PRRG1: variants seen among roughly 807,000 people sequenced by gnomAD.
PRRG1 encodes the protein transmembrane gamma-carboxyglutamic acid protein 1.
Under a neutral mutation model 11.8 loss-of-function variants are expected in PRRG1, and 5 were observed. The observed-to-expected ratio is 0.42, with a 90% CI of 0.22 to 0.89. The LOEUF (loss-of-function observed/expected upper bound fraction) is 0.89. PRRG1 is among the 40% of genes least tolerant of loss of function. PRRG1 has a pLI of 0.28. For synonymous variants in PRRG1, 66 were observed against 60.4 expected, an observed-to-expected ratio of 1.09 and a Z score of -0.43; for missense variants, 155 against 166.1, an observed-to-expected ratio of 0.93 and a Z score of 0.37.
intron 2 of PRRG1, among the ~76,000 whole-genome samples, chrX:37,412,717 G>T (rs1932381839): frequency 9.0e-6 from 1 of 110,514 alleles, no homozygotes; most frequent in Admixed American, 9.7e-5. Flanking sequence ...AGAACTAACG[G>T]AGAGGTTACT....
intron 1 of PRRG1, among the ~76,000 whole-genome samples, chrX:37,367,623 G>A (rs782010353): frequency 1.8e-4 from 20 of 111,367 alleles, no homozygotes; most frequent in African/African-American, 5.2e-4. Context: ...GACTATGTAG[G>A]TACCTGCTTG....
intron 3 of PRRG1, among the ~76,000 whole-genome samples, chrX:37,427,336 C>T (rs1421223543): frequency 8.9e-6 from 1 of 111,772 alleles, no homozygotes; most frequent in Non-Finnish European, 1.9e-5. Flanking sequence ...GTATACGTTT[C>T]TATGAGTTTG....
intron 1 of PRRG1, among the ~76,000 whole-genome samples, chrX:37,374,903 G>T (rs145155551): frequency 0.02 from 2,179 of 111,277 alleles, 53 homozygotes; most frequent in African/African-American, 0.067. Flanking sequence ...AGCTGGAAAT[G>T]ATGTATTGGG....
chrX:37,400,712 A>T (rs1305801497), intron 1 of PRRG1, among the ~76,000 whole-genome samples: 1 of 111,587 alleles, frequency 9.0e-6, no homozygotes, highest in Non-Finnish European at 1.9e-5. Flanking sequence ...TTTTGAAAGG[A>T]TCAACAAAAT....
At position 37,456,199 on chromosome X, in the gene PRRG1, A is replaced by G. The variant is rs1921353330; in HGVS notation, c.*2578A>G. ...ATTGATAGATATAAACCTCATGAAC[A>G]AAAGTACTTTGGCATCCAGATTCTC... On this transcript the variant is annotated 3_prime_UTR_variant, in exon 4 of 4. Coordinates refer to ENST00000378628, the MANE Select transcript of PRRG1 (RefSeq NM_001142395.2). 1 of 112,176 alleles carries G rather than the reference A, an allele frequency of 8.9e-6. No individual in the cohort carries two copies. The highest frequency in any genetic ancestry group is 1.9e-5 in the Non-Finnish European group (1 of 53,227). The allele number at this position is 112,176 out of a possible 1,213,427, so 9.2% of individuals were successfully genotyped here. A position where few individuals can be genotyped will look rare whatever the true frequency, so the allele number is the denominator to read the frequency against.
intron 1 of PRRG1, among the ~76,000 whole-genome samples, chrX:37,387,937 G>A (rs1556375616): frequency 1.8e-5 from 2 of 111,996 alleles, no homozygotes; most frequent in East Asian, 2.8e-4. Flanking sequence ...ATAAAATGGG[G>A]GTATAGGCAT....
chrX:37,403,301 TA>T (rs1932079480), intron 1 of PRRG1, among the ~76,000 whole-genome samples: 1 of 109,245 alleles, frequency 9.2e-6, no homozygotes, highest in Non-Finnish European at 1.9e-5. Context: ...TATGCAGCCA[TA>T]AAAAAGATGA....
chrX:37,448,361 A>G, intron 3 of PRRG1, among the ~76,000 whole-genome samples: 1 of 111,374 alleles, frequency 9.0e-6, no homozygotes, highest in East Asian at 2.8e-4. Flanking sequence ...ACCCTATGCA[A>G]ATGAAGACTT....
intron 1 of PRRG1, among the ~76,000 whole-genome samples, chrX:37,388,275 A>T (rs139869920): frequency 1.8e-5 from 2 of 112,090 alleles, no homozygotes; most frequent in East Asian, 5.6e-4. Flanking sequence ...GAAGATGGTG[A>T]CCCTCTTCTC....
At chrX:37,376,089 A>T (rs1681439576) in intron 1 of PRRG1, among the ~76,000 whole-genome samples, 1 of 111,236 alleles carries the variant, frequency 9.0e-6, no homozygotes, top group African/African-American at 3.3e-5. Flanking sequence ...TCTTGTGAGG[A>T]TAAGAGTGAT....
At chrX:37,397,073 A>G (rs1006625670) in intron 1 of PRRG1, among the ~76,000 whole-genome samples, 21 of 112,949 alleles carry the variant, frequency 1.9e-4, no homozygotes, top group Middle Eastern at 9.2e-3. Flanking sequence ...GACTGAAGAC[A>G]GGAAAGAACA....
chrX:37,356,982 G>A (rs1930255450), intron 1 of PRRG1, among the ~76,000 whole-genome samples: 1 of 111,195 alleles, frequency 9.0e-6, no homozygotes, highest in African/African-American at 3.3e-5. Flanking sequence ...TTGGATGAAT[G>A]TATAATAACA....
At chrX:37,360,164 G>A (rs1245280707) in intron 1 of PRRG1, among the ~76,000 whole-genome samples, 1 of 111,255 alleles carries the variant, frequency 9.0e-6, no homozygotes, top group African/African-American at 3.3e-5. Flanking sequence ...TGCTTCAATT[G>A]TATTATTTCT....
intron 3 of PRRG1, among the ~76,000 whole-genome samples, chrX:37,445,958 G>A (rs1933068430): frequency 8.9e-6 from 1 of 112,208 alleles, no homozygotes; most frequent in African/African-American, 3.2e-5. Context: ...TTACTATCTA[G>A]TTCTTAACAA....
At chrX:37,450,237 G>A (rs1348389384) in intron 3 of PRRG1, among the ~76,000 whole-genome samples, 4 of 111,870 alleles carry the variant, frequency 3.6e-5, no homozygotes, top group African/African-American at 6.5e-5. Context: ...TCCCAGCTCC[G>A]ATGTTCAGAT....
At chrX:37,354,279 G>T (rs189187175) in intron 1 of PRRG1, among the ~76,000 whole-genome samples, 16 of 112,079 alleles carry the variant, frequency 1.4e-4, no homozygotes, top group African/African-American at 5.2e-4. Context: ...ATGGCATTCA[G>T]ACAGGTTGGT....
Position 37,453,402 on chromosome X carries a change from A to G in PRRG1, c.438A>G (p.Pro146=). 1 of 1,203,406 alleles carries G rather than the reference A, an allele frequency of 8.3e-7. No homozygotes were observed. The highest frequency in any genetic ancestry group is 1.1e-6 in the Non-Finnish European group (1 of 892,696). Residue 146 remains proline, a synonymous_variant, in exon 4 of 4, where the codon CCA becomes CCG. Coordinates refer to ENST00000378628, the MANE Select transcript of PRRG1 (RefSeq NM_001142395.2). Reference sequence around the variant, plus strand: ...TGTTTGACAGCAGTGGATTGTCTCCAGGCTTTCTGGGATATGTAGTTGGGC... The same window carrying G: ...TGTTTGACAGCAGTGGATTGTCTCCGGGCTTTCTGGGATATGTAGTTGGGC... The part of the protein sequence containing the change: ...DEVFDSSGLS[P]GFLGYVVGRS...
At chrX:37,429,695 C>G (rs782062285) in intron 3 of PRRG1, among the ~76,000 whole-genome samples, 1 of 112,137 alleles carries the variant, frequency 8.9e-6, no homozygotes, top group Admixed American at 9.4e-5. Flanking sequence ...TACCCAGTTC[C>G]AAAGTCATTT....
chrX:37,451,190 G>T (rs1921123304), intron 3 of PRRG1, among the ~76,000 whole-genome samples: 1 of 111,353 alleles, frequency 9.0e-6, no homozygotes, highest in Non-Finnish European at 1.9e-5. Flanking sequence ...GGCTAATTTT[G>T]TATTTTTAGT....
Sources: allele counts gnomAD v4.1 joint callset (sites outside exome capture counted in the v4.1 genomes callset), GRCh38; gene constraint gnomAD v4.1.1; transcripts MANE v1.5; gene names NCBI Gene and HGNC (gene_info 2026-07-23, HGNC 2026-07-21).